The following CAMSAP3 variants were observed in gnomAD, a reference collection of about 807,000 sequenced individuals.
CAMSAP3 encodes the protein calmodulin-regulated spectrin-associated protein 3.
Under a neutral mutation model 112.5 loss-of-function variants are expected in CAMSAP3, and 34 were observed. The ratio of observed to expected loss-of-function variants is 0.30; its 90% CI spans 0.23 to 0.40. The LOEUF is 0.40. Among genes scored for constraint, CAMSAP3 ranks in the 10% least tolerant of loss-of-function variants. The pLI, the probability that CAMSAP3 is intolerant of heterozygous loss-of-function variation, is 1.00. For missense variants in CAMSAP3, 1,602 were observed against 1,770.3 expected (o/e 0.90, Z 1.71); for synonymous variants, 868 against 799.8 (o/e 1.09, Z -1.44).
chr19:7,611,374 C>G lies in CAMSAP3; in HGVS notation c.1124-143C>G, dbSNP rs2030476616. 2.2e-6 allele frequency: 2 copies of G among 923,480 alleles called. No homozygotes were observed. The highest frequency in any genetic ancestry group is 3.4e-5 in the South Asian group (2 of 59,536). The allele number at this position is 923,480 out of a possible 1,614,324, so 57.2% of individuals were successfully genotyped here. On this transcript the variant is annotated intron_variant, in intron 9 of 16. Transcript: ENST00000160298. This position sits in a 1 kb window ranked among gnomAD's most constrained non-coding sequence, Gnocchi z 6.9. ...AGTAAATGGCCCCGGGTATCTGTTT[C>G]TGGAAACCTCTGGTCTCACTAGACC...
intron 2 of CAMSAP3, 120 bp from the exon 3 acceptor site, chr19:7,606,151 G>GGCCCCCC: frequency 6.6e-6 from 1 of 151,402 alleles, no homozygotes; most frequent in South Asian, 5.3e-5. Context: ...GCCCCCTCAA[G>GGCCCCCC]CCCCACCCCC....
At chr19:7,605,145 G>GT in intron 1 of CAMSAP3, 81 bp from the exon 2 acceptor site, 1 of 447,734 alleles carries the variant, frequency 2.2e-6, no homozygotes, top group East Asian at 7.6e-5. Context: ...TCCGGGCCAT[G>GT]TGGTGTGTGT....
At position 7,607,842 on chromosome 19, in the gene CAMSAP3, A is replaced by G; in HGVS notation, c.622-284A>G. ...CCAGCACGCAATTGCCTTCTGTTTG[A>G]AGGAGTCGGGGAGCAAACCCCCCAT... On this transcript the variant is annotated intron_variant, in intron 4 of 16. Coordinates refer to ENST00000160298, the MANE Select transcript of CAMSAP3 (RefSeq NM_020902.2). The surrounding 1 kb of genome is among the most constrained non-coding windows in gnomAD (Gnocchi z 4.9). The G allele has an allele frequency of 7.2e-7, 1 of 1,383,552 alleles. No individual in the cohort carries two copies. The allele number at this position is 1,383,552 out of a possible 1,614,324, so 85.7% of individuals were successfully genotyped here. A position where few individuals can be genotyped will look rare whatever the true frequency, so the allele number is the denominator to read the frequency against.
At chr19:7,606,150 A>AAACCCCCCCCCCCCCCCC in intron 2 of CAMSAP3, 121 bp from the exon 3 acceptor site, 1 of 265,232 alleles carries the variant, frequency 3.8e-6, no homozygotes, top group East Asian at 1.5e-4. Context: ...CGCCCCCTCA[A>AAACCCCCCCCCCCCCCCC]GCCCCACCCC....
At position 7,605,369 on chromosome 19, in the gene CAMSAP3, C is replaced by T; in HGVS notation, c.292C>T (p.Pro98Ser). 2 of 1,589,692 alleles carry T rather than the reference C, an allele frequency of 1.3e-6. No individual in the cohort carries two copies. Among genetic ancestry groups the T allele is most frequent in the Non-Finnish European group, 1.7e-6 (2 of 1,164,830 alleles). The change falls in exon 2 of 17, where the codon CCC (proline) becomes TCC (serine). Residue 98 changes from proline to serine, a missense_variant. Transcript: ENST00000160298. ...CCAGGCACTGCCACAGCTTGAAACA[C>T]CCCCCAACCCCTCTGCACTGCTGGC... ...WRQALPQLET[P>S]PNPSALLALL...
intron 11 of CAMSAP3, among the ~76,000 whole-genome samples, chr19:7,614,325 T>A (rs112319961): frequency 0.16 from 14,052 of 90,140 alleles, 958 homozygotes; most frequent in Non-Finnish European, 0.19. Flanking sequence ...TCCTTTTCAT[T>A]TTTTTTTTTT....
At position 7,610,581 on chromosome 19, in the gene CAMSAP3, T is replaced by C. The variant is rs971541859; in HGVS notation, c.866T>C (p.Leu289Pro). 6.2e-7 allele frequency: 1 copy of C among 1,613,370 alleles called. No homozygotes were observed. Among genetic ancestry groups the C allele is most frequent in the African/African-American group, 1.3e-5 (1 of 74,930 alleles). ...SRLPRGCPLSLEDLLYVPPPL... is the reference protein window; with the variant it reads ...SRLPRGCPLSPEDLLYVPPPL... ...CTTCCTCGTGGCTGCCCCCTGTCCC[T>C]TGAGGACTTGCTGTACGTCCCACCG... Residue 289 changes from leucine (L) to proline (P), a missense_variant, in exon 6 of 17, where the codon CTT becomes CCT. Around this residue, in one of 6 missense-constraint regions of CAMSAP3, gnomAD observed 58 missense variants for 108.4 expected, o/e 0.54. Transcript: ENST00000160298. This position sits in a 1 kb window ranked among gnomAD's most constrained non-coding sequence, Gnocchi z 4.9.
At chr19:7,604,208 T>C (rs895979042) in intron 1 of CAMSAP3, among the ~76,000 whole-genome samples, 2 of 152,016 alleles carry the variant, frequency 1.3e-5, no homozygotes, top group Non-Finnish European at 2.9e-5. Context: ...AGTCACCTCT[T>C]CCCCGACCCC....
intron 1 of CAMSAP3, among the ~76,000 whole-genome samples, chr19:7,604,847 A>C (rs922606986): frequency 6.6e-6 from 1 of 152,170 alleles, no homozygotes; most frequent in Non-Finnish European, 1.5e-5. Flanking sequence ...TGGCAAGAGC[A>C]GGAAGGCTCT....
At chr19:7,605,608 T>A in intron 2 of CAMSAP3, 129 bp downstream of exon 2, 1 of 1,082,110 alleles carries the variant, frequency 9.2e-7, no homozygotes, top group Non-Finnish European at 1.2e-6. Context: ...CTTTGTCGAT[T>A]AAGCCTAGCT....
At position 7,596,071 on chromosome 19, in the gene CAMSAP3, G is replaced by A; in HGVS notation, c.69G>A (p.Ser23=). The part of the protein sequence containing the change: ...RRTFLVPEIK[S]LDQYDFSRAK... Reference sequence around the variant, plus strand: ...CCTTTCTAGTGCCCGAGATCAAGTCGCTGGACCAGTACGATTTCTCGCGGG... The same window carrying A: ...CCTTTCTAGTGCCCGAGATCAAGTCACTGGACCAGTACGATTTCTCGCGGG... Residue 23 remains serine, a synonymous_variant, in exon 1 of 17, where the codon TCG becomes TCA. Transcript: ENST00000160298. 1 of 1,287,906 alleles carries A rather than the reference G, an allele frequency of 7.8e-7. No individual in the cohort carries two copies. Among genetic ancestry groups the A allele is most frequent in the East Asian group, 5.6e-5 (1 of 17,906 alleles). 79.8% of individuals were successfully genotyped at this position (1,287,906 alleles called of 1,614,324 possible). A position where few individuals can be genotyped will look rare whatever the true frequency, so the allele number is the denominator to read the frequency against.
Position 7,610,419 on chromosome 19 carries a change from C to A in CAMSAP3, c.761-57C>A. Reference sequence around the variant, plus strand: ...GGGGGACTGCTGGTCCCTGGCTTCCCTGGGGCCCCATCCTCCTCCTCATAG... The same window carrying A: ...GGGGGACTGCTGGTCCCTGGCTTCCATGGGGCCCCATCCTCCTCCTCATAG... On this transcript the variant is annotated intron_variant, in intron 5 of 16. Transcript: ENST00000160298. This position sits in a 1 kb window ranked among gnomAD's most constrained non-coding sequence, Gnocchi z 4.9. 1 of 1,544,108 alleles carries A rather than the reference C, an allele frequency of 6.5e-7. No homozygotes were observed. The highest frequency in any genetic ancestry group is 1.2e-5 in the South Asian group (1 of 81,272).
chr19:7,613,020 C>G lies in CAMSAP3; in HGVS notation c.2527C>G (p.Leu843Val), dbSNP rs1384280483. 1.9e-6 allele frequency: 3 copies of G among 1,559,466 alleles called. No individual in the cohort carries two copies. The highest frequency in any genetic ancestry group is 1.7e-6 in the Non-Finnish European group (2 of 1,153,668). ...PPEEPAARPG[L>V]IEIPLGSLAD... Reference sequence around the variant, plus strand: ...CGAGGAGCCAGCCGCCCGGCCGGGCCTCATCGAGATCCCGCTGGGCAGCCT... The same window carrying G: ...CGAGGAGCCAGCCGCCCGGCCGGGCGTCATCGAGATCCCGCTGGGCAGCCT... The change falls in exon 11 of 17, where the codon CTC becomes GTC. Residue 843 changes from leucine (L) to valine (V), a missense_variant. By Grantham distance (32) the Leu-to-Val change is conservative. Transcript: ENST00000160298.
rs773233231 is a variant in CAMSAP3, at chr19:7,611,693, C to G, written c.1200C>G (p.Pro400=). 7 of 1,561,962 alleles carry G rather than the reference C, an allele frequency of 4.5e-6. No individual in the cohort carries two copies. In the South Asian group the frequency reaches 8.2e-5, roughly 18 times the overall value. ...GKAWNRQLSR[P]LSQAVSFSTP... ...CCTCCCTCCGGCCGCCCAGCCGTCC[C>G]CTCTCCCAGGCTGTGTCATTCAGCA... Residue 400 remains proline, a synonymous_variant, in exon 11 of 17, where the codon CCC becomes CCG. Coordinates refer to ENST00000160298, the MANE Select transcript of CAMSAP3 (RefSeq NM_020902.2). This position sits in a 1 kb window ranked among gnomAD's most constrained non-coding sequence, Gnocchi z 6.9.
Position 7,608,188 on chromosome 19 carries a change from C to T in CAMSAP3, c.684C>T (p.Ser228=). 1.2e-6 allele frequency: 2 copies of T among 1,612,732 alleles called. No individual in the cohort carries two copies. The highest frequency in any genetic ancestry group is 1.7e-6 in the Non-Finnish European group (2 of 1,179,962). ...CCCCCTGCTTCCCGACGGTGACCAG[C>T]CTCCAGGACCTGGCCAGTGGGGCCG... ...RRAPCFPTVT[S]LQDLASGAAL... Residue 228 remains serine (S), a synonymous_variant, in exon 5 of 17, where the codon AGC becomes AGT. Transcript: ENST00000160298.
rs558267944 is a variant in CAMSAP3 at position 7,611,806 on chromosome 19, C to A, written c.1313C>A (p.Pro438Gln). Reference sequence around the variant, plus strand: ...GTGAGCTCGGACAGCCTGGGCCCCCCGCGTCCCGCGCCGGCCAGGACCCCC... The same window carrying A: ...GTGAGCTCGGACAGCCTGGGCCCCCAGCGTCCCGCGCCGGCCAGGACCCCC... ...RSVSSDSLGP[P>Q]RPAPARTPTQ... Residue 438 changes from proline to glutamine, a missense_variant, in exon 11 of 17, where the codon CCG becomes CAG. Physicochemically the swap from Pro to Gln is moderately conservative, Grantham distance 76. This residue lies in a region of CAMSAP3 where 1,100 missense variants were observed against 1,135.7 expected (regional missense o/e 0.97). Transcript: ENST00000160298. This position sits in a 1 kb window ranked among gnomAD's most constrained non-coding sequence, Gnocchi z 6.9. 2 of 1,594,274 alleles carry A rather than the reference C, an allele frequency of 1.3e-6. No individual in the cohort carries two copies. Among genetic ancestry groups the A allele is most frequent in the Non-Finnish European group, 1.7e-6 (2 of 1,171,066 alleles).
In CAMSAP3 at chr19:7,611,002, T is replaced by G. The variant is rs2030454033; in HGVS notation, c.1049+71T>G. 6.3e-7 allele frequency: 1 copy of G among 1,585,290 alleles called. No homozygotes were observed. Among genetic ancestry groups the G allele is most frequent in the East Asian group, 2.2e-5 (1 of 44,566 alleles). On this transcript the variant is annotated intron_variant, in intron 8 of 16. Coordinates refer to ENST00000160298, the MANE Select transcript of CAMSAP3 (RefSeq NM_020902.2). The surrounding 1 kb of genome is among the most constrained non-coding windows in gnomAD (Gnocchi z 6.9). ...GCTCCATGTCTGCCTTGCTGAGCACTGGGACGCAGCTGGGTGATGCTGTTG... is the reference window on the plus strand; with the variant it reads ...GCTCCATGTCTGCCTTGCTGAGCACGGGGACGCAGCTGGGTGATGCTGTTG...
At chr19:7,601,341 C>T (rs1165496177) in intron 1 of CAMSAP3, among the ~76,000 whole-genome samples, 7 of 151,894 alleles carry the variant, frequency 4.6e-5, no homozygotes, top group Non-Finnish European at 8.8e-5. Context: ...CTTTTTGAGA[C>T]AGCATCTTGC....
rs1490354797 is a variant in CAMSAP3 at position 7,617,253 on chromosome 19, G to A, written c.3213-73G>A. On this transcript the variant is annotated intron_variant, in intron 14 of 16. Transcript: ENST00000160298. This position sits in a 1 kb window ranked among gnomAD's most constrained non-coding sequence, Gnocchi z 7.5. ...TTTCCTTGGCCCCTCTGCACATAGGGAAGCTTCCCATCTCTGACCCCACCT... is the reference window on the plus strand; with the variant it reads ...TTTCCTTGGCCCCTCTGCACATAGGAAAGCTTCCCATCTCTGACCCCACCT... The A allele has an allele frequency of 2.8e-6, 3 of 1,060,456 alleles. No homozygotes were observed. The highest frequency in any genetic ancestry group is 4.4e-6 in the Non-Finnish European group (3 of 679,056). The allele number at this position is 1,060,456 out of a possible 1,614,324, so 65.7% of individuals were successfully genotyped here. A position where few individuals can be genotyped will look rare whatever the true frequency, so the allele number is the denominator to read the frequency against.
Sources: gnomAD v4.1 joint callset for allele counts (sites outside exome capture counted in the v4.1 genomes callset) on GRCh38, gnomAD v4.1.1 for gene constraint, gnomAD v4.1.1 regional missense constraint, Gnocchi (gnomAD v3.1) non-coding constraint, MANE v1.5 for transcripts, NCBI Gene and HGNC (gene_info 2026-07-23, HGNC 2026-07-21) for gene names.